MLIP: variants seen among roughly 807,000 people sequenced by gnomAD.
MLIP encodes the protein muscular LMNA-interacting protein.
Under a neutral mutation model 84.8 loss-of-function variants are expected in MLIP, and 79 were observed. The ratio of observed to expected loss-of-function variants is 0.93; its 90% CI spans 0.78 to 1.12. MLIP has a LOEUF of 1.12. Ranked by LOEUF, MLIP falls within the 50% of genes most tolerant of loss-of-function variation. The probability of loss-of-function intolerance (pLI) is 0.00; values close to 1 mark genes in which losing one functional copy is unlikely to be tolerated. For missense variants in MLIP, 1,257 were observed against 1,160.6 expected, an observed-to-expected ratio of 1.08 and a Z score of -1.21; for synonymous variants, 504 against 463.0, an observed-to-expected ratio of 1.09 and a Z score of -1.14.
At chr6:54,170,981 A>G (rs895978858) in intron 9 of MLIP, among the ~76,000 whole-genome samples, 1 of 151,394 alleles carries the variant, frequency 6.6e-6, no homozygotes, top group Non-Finnish European at 1.5e-5. Context: ...AGACCCCCCA[A>G]AAAAGTTGCT....
chr6:54,044,382 A>C (rs1237573080), intron 1 of MLIP, among the ~76,000 whole-genome samples: 1 of 152,236 alleles, frequency 6.6e-6, no homozygotes, highest in African/African-American at 2.4e-5. Context: ...ATGTGGCACC[A>C]CATTCTTTTC....
chr6:54,121,746 G>T, intron 2 of MLIP, 144 bp downstream of exon 2: 1 of 663,824 alleles, frequency 1.5e-6, no homozygotes, highest in East Asian at 2.8e-5. Context: ...TAATGCAACA[G>T]AAGCATAAAT....
chr6:54,084,371 G>A (rs533570951), intron 1 of MLIP, among the ~76,000 whole-genome samples: 138 of 152,228 alleles, frequency 9.1e-4, no homozygotes, highest in African/African-American at 3.3e-3. Context: ...ATTTACTGCT[G>A]GGTGTGTCAA....
chr6:54,233,943 C>T (rs963013863), intron 12 of MLIP, among the ~76,000 whole-genome samples: 4 of 152,036 alleles, frequency 2.6e-5, no homozygotes, highest in African/African-American at 9.7e-5. Context: ...TTCTGTAATG[C>T]CCAGTGATGA....
chr6:54,077,907 G>C (rs528886335), intron 1 of MLIP, among the ~76,000 whole-genome samples: 1 of 152,032 alleles, frequency 6.6e-6, no homozygotes, highest in African/African-American at 2.4e-5. Flanking sequence ...GCATTTTTTC[G>C]TGGATGAGAA....
chr6:54,246,819 C>T (rs763452190), intron 12 of MLIP, among the ~76,000 whole-genome samples: 17 of 152,042 alleles, frequency 1.1e-4, no homozygotes, highest in Non-Finnish European at 2.4e-4. Flanking sequence ...TAAGACAAGT[C>T]CATTTGGTCC....
chr6:54,207,989 G>A (rs1462081049), intron 11 of MLIP, among the ~76,000 whole-genome samples: 3 of 152,138 alleles, frequency 2.0e-5, no homozygotes, highest in South Asian at 4.1e-4. Flanking sequence ...TCAGCAGGGT[G>A]TGGTGGCGGG....
chr6:54,149,656 C>T (rs1212643429), intron 5 of MLIP, among the ~76,000 whole-genome samples: 1 of 152,060 alleles, frequency 6.6e-6, no homozygotes, highest in African/African-American at 2.4e-5. Context: ...CCTCTTCACC[C>T]ACCCATTCTT....
intron 1 of MLIP, chr6:54,063,215 A>C (rs1002703673): frequency 1.3e-5 from 2 of 151,920 alleles, no homozygotes; most frequent in Non-Finnish European, 2.9e-5. Context: ...AAAAAAAAAA[A>C]AAAAGAAAAA....
intron 1 of MLIP, among the ~76,000 whole-genome samples, chr6:54,054,648 A>C (rs1025858860): frequency 6.6e-6 from 1 of 152,208 alleles, no homozygotes; most frequent in South Asian, 2.1e-4. Context: ...CATGAATAAT[A>C]TAGAAATCAT....
intron 12 of MLIP, among the ~76,000 whole-genome samples, chr6:54,257,040 T>C (rs1177074359): frequency 2.0e-5 from 3 of 152,158 alleles, no homozygotes; most frequent in African/African-American, 7.2e-5. Context: ...AATGAAGGCC[T>C]ATGCTATATG....
Position 54,027,410 on chromosome 6 carries a change from CACACACACACAT to C in MLIP, c.63+8321_63+8332del, listed in dbSNP as rs1330085705. Among the ~76,000 whole-genome samples, 62 of 88,794 alleles carry C rather than the reference CACACACACACAT, an allele frequency of 7.0e-4. 1 individual carries two copies. The highest frequency in any genetic ancestry group is 1.2e-3 in the African/African-American group (28 of 23,130). 58.3% of individuals were successfully genotyped at this position (88,794 alleles called of 152,430 possible). On this transcript the variant is annotated intron_variant, in intron 1 of 12. Transcript: ENST00000274897. ...ACACACACACACACACACACACACACACACACACACATATATACATAAAATCTGTGTGTTAAA... is the reference window on the plus strand; with the variant it reads ...ACACACACACACACACACACACACACATATACATAAAATCTGTGTGTTAAA...
intron 1 of MLIP, among the ~76,000 whole-genome samples, chr6:54,113,966 A>G (rs911004631): frequency 1.4e-4 from 22 of 152,212 alleles, no homozygotes; most frequent in Admixed American, 5.2e-4. Context: ...TTGAGAGACT[A>G]TCGAACAGCC....
intron 12 of MLIP, among the ~76,000 whole-genome samples, chr6:54,242,241 ATTCTT>A (rs1332056287): frequency 6.6e-6 from 1 of 152,164 alleles, no homozygotes; most frequent in African/African-American, 2.4e-5. Flanking sequence ...GGCCATGAGC[ATTCTT>A]TTCTTAAACT....
At chr6:54,096,300 A>C (rs1237742327) in intron 1 of MLIP, among the ~76,000 whole-genome samples, 1 of 152,192 alleles carries the variant, frequency 6.6e-6, no homozygotes, top group Non-Finnish European at 1.5e-5. Context: ...TTTATCAAAT[A>C]CTTACTATAG....
intron 1 of MLIP, among the ~76,000 whole-genome samples, chr6:54,100,276 G>T (rs1309638756): frequency 6.9e-6 from 1 of 145,362 alleles, no homozygotes; most frequent in Non-Finnish European, 1.5e-5. Flanking sequence ...ATTTTAATTT[G>T]TGGACAAGCT....
chr6:54,240,997 GA>G (rs919580836), intron 12 of MLIP, among the ~76,000 whole-genome samples: 3 of 151,636 alleles, frequency 2.0e-5, no homozygotes, highest in African/African-American at 7.3e-5. Flanking sequence ...AAAATCAAAA[GA>G]AAAAAGCAGA....
At chr6:54,082,311 T>C (rs1402382236) in intron 1 of MLIP, among the ~76,000 whole-genome samples, 5 of 152,196 alleles carry the variant, frequency 3.3e-5, no homozygotes, top group African/African-American at 1.2e-4. Flanking sequence ...AAAATATTCA[T>C]GTACACGATT....
intron 1 of MLIP, among the ~76,000 whole-genome samples, chr6:54,105,588 A>G (rs1768951497): frequency 2.0e-5 from 3 of 152,210 alleles, no homozygotes; most frequent in Non-Finnish European, 4.4e-5. Flanking sequence ...CAATGAAGGA[A>G]ATCAGGGAAG....
Sources: allele counts gnomAD v4.1 joint callset (sites outside exome capture counted in the v4.1 genomes callset), GRCh38; gene constraint gnomAD v4.1.1; transcripts MANE v1.5; gene names NCBI Gene and HGNC (gene_info 2026-07-23, HGNC 2026-07-21).